MARF1: variants seen among roughly 807,000 people sequenced by gnomAD.
The protein encoded by MARF1 is meiosis regulator and mRNA stability factor 1, also known as limkain-b1.
A neutral mutation model predicts 168.2 loss-of-function variants in MARF1; 24 were observed. That is an observed-to-expected ratio of 0.14 (90% CI 0.10 to 0.20). MARF1 has a LOEUF of 0.20. MARF1 is among the 10% of genes least tolerant of loss of function. MARF1 has a pLI of 1.00. For synonymous variants in MARF1, 868 were observed against 822.4 expected (o/e 1.06, Z -0.95); for missense variants, 1,744 against 2,143.6 (o/e 0.81, Z 3.68).
intron 19 of MARF1, 43 bp from the exon 20 acceptor site, chr16:15,609,768 A>C (rs1376852032): frequency 1.3e-6 from 2 of 1,548,578 alleles, no homozygotes; most frequent in East Asian, 4.6e-5. Context: ...GTTTTTTTCT[A>C]CCCATTTGTG....
At chr16:15,598,204 G>A (rs1303337232) in intron 26 of MARF1, among the ~76,000 whole-genome samples, 1 of 152,188 alleles carries the variant, frequency 6.6e-6, no homozygotes, top group Non-Finnish European at 1.5e-5. Context: ...AGCAGCCCGG[G>A]GCCACTGCCT....
At chr16:15,602,505 C>A in intron 22 of MARF1, 1 of 527,492 alleles carries the variant, frequency 1.9e-6, no homozygotes, top group Non-Finnish European at 3.4e-6. Context: ...AAGACGAAGA[C>A]GACGATGAAG....
At chr16:15,607,896 G>A (rs2033150628) in intron 21 of MARF1, among the ~76,000 whole-genome samples, 1 of 152,218 alleles carries the variant, frequency 6.6e-6, no homozygotes, top group African/African-American at 2.4e-5. Flanking sequence ...GAATGTGGAG[G>A]GAGAGGACAC....
chr16:15,614,514 G>A (rs1472900750), intron 16 of MARF1, among the ~76,000 whole-genome samples: 2 of 147,160 alleles, frequency 1.4e-5, no homozygotes, highest in African/African-American at 2.5e-5. Flanking sequence ...TCCTGGGCGC[G>A]GTGGCTCACA....
In MARF1 at chr16:15,635,814, G is replaced by A; in HGVS notation, c.673C>T (p.Pro225Ser). Residue 225 changes from proline to serine, a missense_variant, in exon 3 of 27, where the codon CCC becomes TCC. Transcript: ENST00000396368. The stretch of plus-strand genomic sequence containing the variant: ...GCCCCGCTTGTGAAATCAGAACAGG[G>A]GAAATAGCCAGCGGAGGTGCAGCCC... Reference protein sequence around the residue: ...LQGCTSAGYFPCSDFTSGAPG... With the variant: ...LQGCTSAGYFSCSDFTSGAPG... 5 of 1,614,166 alleles carry A rather than the reference G, an allele frequency of 3.1e-6. No homozygotes were observed. Among genetic ancestry groups the A allele is most frequent in the Middle Eastern group, 1.6e-4 (1 of 6,062 alleles).
chr16:15,598,996 G>C lies in MARF1; in HGVS notation c.4842C>G (p.Leu1614=), dbSNP rs1209036329. ...CGACGGGGGAGTCGTCGGTCAGGCGGAGAAGCTCCTGCTCTGTGTGACTGG... is the reference window on the plus strand; with the variant it reads ...CGACGGGGGAGTCGTCGGTCAGGCGCAGAAGCTCCTGCTCTGTGTGACTGG... ...SGPSHTEQEL[L]RLTDDSPVDL... is the part of the protein sequence containing the mutation. Residue 1614 remains leucine (L), a synonymous_variant, in exon 26 of 27, where the codon CTC becomes CTG. Coordinates refer to ENST00000396368, the MANE Select transcript of MARF1 (RefSeq NM_014647.4). 1 of 1,611,020 alleles carries C rather than the reference G, an allele frequency of 6.2e-7. No individual in the cohort carries two copies. The highest frequency in any genetic ancestry group is 2.2e-5 in the East Asian group (1 of 44,820).
At chr16:15,613,235 A>G (rs2033729278) in intron 16 of MARF1, among the ~76,000 whole-genome samples, 1 of 152,190 alleles carries the variant, frequency 6.6e-6, no homozygotes, top group Non-Finnish European at 1.5e-5. Context: ...AACCACAGAA[A>G]GTGATAATGT....
chr16:15,617,721 C>T (rs1055175940), intron 13 of MARF1, among the ~76,000 whole-genome samples, 186 bp from the exon 14 acceptor site: 2 of 152,128 alleles, frequency 1.3e-5, no homozygotes, highest in Non-Finnish European at 2.9e-5. Context: ...ACTCCTGAGT[C>T]GTCTCTGGCT....
chr16:15,633,732 A>G lies in MARF1; in HGVS notation c.1118T>C (p.Val373Ala). ...AAACTTCTCACGGATTCTTTGCACA[A>G]CAGCAGTTGCTGACCGGCCAGAGGG... The part of the protein sequence containing the change: ...SVPSGRSATA[V>A]VQRIREKFFK... The change falls in exon 5 of 27, where the codon GTT (valine) becomes GCT (alanine). Residue 373 changes from valine (V) to alanine (A), a missense_variant. Around this residue, in one of 7 missense-constraint regions of MARF1, gnomAD observed 217 missense variants for 372.4 expected, o/e 0.58. Transcript: ENST00000396368. 6.2e-7 allele frequency: 1 copy of G among 1,614,126 alleles called. No individual in the cohort carries two copies. The highest frequency in any genetic ancestry group is 8.5e-7 in the Non-Finnish European group (1 of 1,180,008).
chr16:15,633,175 C>CCACACA (rs140240605), intron 5 of MARF1, among the ~76,000 whole-genome samples: 4,973 of 136,904 alleles, frequency 0.036, 251 homozygotes, highest in African/African-American at 0.12. Context: ...AAAAAAAACA[C>CCACACA]CACACACACA....
In MARF1 at chr16:15,612,744, C is replaced by A. The variant is rs1471583645; in HGVS notation, c.3287G>T (p.Gly1096Val). 6.2e-7 allele frequency: 1 copy of A among 1,614,096 alleles called. No individual in the cohort carries two copies. Among genetic ancestry groups the A allele is most frequent in the Non-Finnish European group, 8.5e-7 (1 of 1,180,012 alleles). The change falls in exon 17 of 27, where the codon GGT (glycine) becomes GTT (valine). Residue 1096 changes from glycine to valine, a missense_variant. Physicochemically the swap from Gly to Val is moderately radical, Grantham distance 109 (BLOSUM62 -3). Around this residue, in one of 7 missense-constraint regions of MARF1, gnomAD observed 543 missense variants for 742.1 expected, o/e 0.73. Coordinates refer to ENST00000396368, the MANE Select transcript of MARF1 (RefSeq NM_014647.4). ...PWLLRSKSPVGNPQLIQFSRE... is the reference protein window; with the variant it reads ...PWLLRSKSPVVNPQLIQFSRE... Reference sequence around the variant, plus strand: ...ACTGAACTGGATCAGCTGGGGGTTACCTACAGGACTCTTCGAACGCAGAAG... The same window carrying A: ...ACTGAACTGGATCAGCTGGGGGTTAACTACAGGACTCTTCGAACGCAGAAG...
intron 1 of MARF1, 92 bp from the exon 2 acceptor site, chr16:15,639,383 A>C (rs571498673): frequency 4.9e-6 from 4 of 820,998 alleles, no homozygotes; most frequent in South Asian, 3.4e-5. Flanking sequence ...CTATATTTAC[A>C]GTCCTATGGC....
chr16:15,620,015 C>T (rs553950578), intron 13 of MARF1, among the ~76,000 whole-genome samples: 1 of 152,038 alleles, frequency 6.6e-6, no homozygotes, highest in South Asian at 2.1e-4. Context: ...AATACGAAAA[C>T]TTAGCAAGGC....
intron 11 of MARF1, among the ~76,000 whole-genome samples, chr16:15,622,328 C>G (rs1222123242): frequency 6.6e-6 from 1 of 151,910 alleles, no homozygotes; most frequent in Non-Finnish European, 1.5e-5. Context: ...TTTTAGAATC[C>G]TACCTGTATT....
chr16:15,594,538 G>A lies in MARF1; in HGVS notation c.*2155C>T, dbSNP rs1164589425. The A allele has an allele frequency of 2.0e-5, 3 of 152,560 alleles. No individual in the cohort carries two copies. The highest frequency in any genetic ancestry group is 4.4e-5 in the Non-Finnish European group (3 of 68,024). 9.5% of individuals were successfully genotyped at this position (152,560 alleles called of 1,614,324 possible). ...AATCCAAAACAAACAGTGCAAGATG[G>A]GAAAGGGGGTTTTGGTGATAACTTT... is the stretch of plus-strand genomic sequence containing the variant. On this transcript the variant is annotated 3_prime_UTR_variant, in exon 27 of 27. Coordinates refer to ENST00000396368, the MANE Select transcript of MARF1 (RefSeq NM_014647.4).
chr16:15,639,963 A>C (rs529949753), intron 1 of MARF1, among the ~76,000 whole-genome samples: 1 of 152,160 alleles, frequency 6.6e-6, no homozygotes, highest in African/African-American at 2.4e-5. Context: ...AGAGGTAGCC[A>C]TATCTTGGAA....
intron 21 of MARF1, 31 bp downstream of exon 21, chr16:15,608,260 G>GAAAAAAAAAAAAAAA: frequency 1.2e-6 from 1 of 829,564 alleles, no homozygotes; most frequent in Non-Finnish European, 1.8e-6. Context: ...TCCCATGAGG[G>GAAAAAAAAAAAAAAA]AAAAAAAAAA....
intron 10 of MARF1, among the ~76,000 whole-genome samples, chr16:15,624,511 T>C (rs1031512139): frequency 6.6e-6 from 1 of 152,204 alleles, no homozygotes; most frequent in Non-Finnish European, 1.5e-5. Flanking sequence ...CCCCCTGCAC[T>C]GGCCAGGGAC....
At chr16:15,639,024 C>T in intron 2 of MARF1, 66 bp downstream of exon 2, 2 of 1,515,432 alleles carry the variant, frequency 1.3e-6, no homozygotes, top group East Asian at 2.3e-5. Flanking sequence ...TATCCCAGAC[C>T]AAATGGACCT....
Sources: gnomAD v4.1 joint callset for allele counts (sites outside exome capture counted in the v4.1 genomes callset) on GRCh38, gnomAD v4.1.1 for gene constraint, gnomAD v4.1.1 regional missense constraint, MANE v1.5 for transcripts, NCBI Gene and HGNC (gene_info 2026-07-23, HGNC 2026-07-21) for gene names.